SLC17A9: variants seen among roughly 807,000 people sequenced by gnomAD.
SLC17A9 encodes solute carrier family 17 member 9.
Under a neutral mutation model 55.0 loss-of-function variants are expected in SLC17A9, and 49 were observed. The observed-to-expected ratio is 0.89, with a 90% CI of 0.71 to 1.13. SLC17A9 has a LOEUF of 1.13. SLC17A9 is among the 50% of genes most tolerant of loss of function. The probability of loss-of-function intolerance (pLI) is 0.00; values close to 1 mark genes in which losing one functional copy is unlikely to be tolerated. For synonymous variants in SLC17A9, 256 were observed against 247.4 expected (o/e 1.03, Z -0.32); for missense variants, 526 against 569.3 (o/e 0.92, Z 0.77).
intron 1 of SLC17A9, among the ~76,000 whole-genome samples, chr20:62,954,053 A>C (rs2065514275): frequency 6.6e-6 from 1 of 151,566 alleles, no homozygotes; most frequent in Non-Finnish European, 1.5e-5. Flanking sequence ...CCCAGGCTCG[A>C]TGTTTAAAAA....
At chr20:62,965,513 C>A in intron 9 of SLC17A9, 97 bp from the exon 10 acceptor site, 1 of 1,139,868 alleles carries the variant, frequency 8.8e-7, no homozygotes, top group Non-Finnish European at 1.3e-6. Context: ...GACCGTTGTG[C>A]GGTGCGCCCA....
chr20:62,967,594 C>A lies in SLC17A9; in HGVS notation c.*94C>A. ...TGGGACTTGGTCACTCCATGTCAGACACACGAGCAGAGAGGAACACAAACC... is the reference window on the plus strand; with the variant it reads ...TGGGACTTGGTCACTCCATGTCAGAAACACGAGCAGAGAGGAACACAAACC... On this transcript the variant is annotated 3_prime_UTR_variant, in exon 13 of 13. Transcript: ENST00000370351. The A allele has an allele frequency of 7.5e-7, 1 of 1,341,140 alleles. No homozygotes were observed. The highest frequency in any genetic ancestry group is 1.0e-6 in the Non-Finnish European group (1 of 999,222). The allele number at this position is 1,341,140 out of a possible 1,614,324, so 83.1% of individuals were successfully genotyped here.
Position 62,966,703 on chromosome 20 carries a change from G to A in SLC17A9, c.1118G>A (p.Gly373Asp). Residue 373 changes from glycine (G) to aspartate (D), a missense_variant and splice_region_variant, in exon 12 of 13, where the codon GGT becomes GAT. Gly to Asp is a moderately conservative substitution (Grantham distance 94). Transcript: ENST00000370351. ...LAPSCAGFLF[G>D]VANTAGALAG... ...CTCTCTCGCTCTGGCCTCTTCACAG[G>A]TGTGGCCAACACAGCCGGGGCCTTG... The A allele has an allele frequency of 6.2e-7, 1 of 1,613,396 alleles. No individual in the cohort carries two copies. Among genetic ancestry groups the A allele is most frequent in the Non-Finnish European group, 8.5e-7 (1 of 1,179,790 alleles).
Position 62,960,505 on chromosome 20 carries a change from G to A in SLC17A9, c.399G>A (p.Gly133=). ...FSRILMGLLQ[G]VYFPALTSLL... ...AGACCCTCCCTCCACTTGTTGCAGGGGTTTACTTCCCTGCCCTGACCAGCC... is the reference window on the plus strand; with the variant it reads ...AGACCCTCCCTCCACTTGTTGCAGGAGTTTACTTCCCTGCCCTGACCAGCC... The change falls in exon 4 of 13, where the codon GGG becomes GGA. Residue 133 remains glycine, a splice_region_variant and synonymous_variant. Coordinates refer to ENST00000370351, the MANE Select transcript of SLC17A9 (RefSeq NM_022082.4). 2 of 1,612,466 alleles carry A rather than the reference G, an allele frequency of 1.2e-6. No homozygotes were observed. The highest frequency in any genetic ancestry group is 1.7e-6 in the Non-Finnish European group (2 of 1,179,670).
Position 62,962,369 on chromosome 20 carries a change from A to T in SLC17A9, c.498-255A>T. The T allele has an allele frequency of 2.8e-6, 1 of 356,378 alleles. No individual in the cohort carries two copies. Among genetic ancestry groups the T allele is most frequent in the Non-Finnish European group, 5.2e-6 (1 of 192,508 alleles). 22.1% of individuals were successfully genotyped at this position (356,378 alleles called of 1,614,324 possible). ...TGAAAAACAATGTGAGTTCCACAGC[A>T]GCCGCCCGACTGGGACACATGCGTG... is the stretch of plus-strand genomic sequence containing the variant. On this transcript the variant is annotated intron_variant, in intron 4 of 12. Coordinates refer to ENST00000370351, the MANE Select transcript of SLC17A9 (RefSeq NM_022082.4). This position sits in a 1 kb window ranked among gnomAD's most constrained non-coding sequence, Gnocchi z 5.5.
rs930001225 is a variant in SLC17A9 at position 62,967,980 on chromosome 20, G to A, written c.*480G>A. 1 of 161,600 alleles carries A rather than the reference G, an allele frequency of 6.2e-6. No homozygotes were observed. Among genetic ancestry groups the A allele is most frequent in the African/African-American group, 2.4e-5 (1 of 41,558 alleles). 10.0% of individuals were successfully genotyped at this position (161,600 alleles called of 1,614,324 possible). A position where few individuals can be genotyped will look rare whatever the true frequency, so the allele number is the denominator to read the frequency against. On this transcript the variant is annotated 3_prime_UTR_variant, in exon 13 of 13. Transcript: ENST00000370351. ...TGTCTCTGGCGGGCTGTCCTCCTTG[G>A]TGGGAGCTGTCCTGCACACTGTAGG... is the stretch of plus-strand genomic sequence containing the variant.
chr20:62,965,085 A>G, intron 8 of SLC17A9, 47 bp from the exon 9 acceptor site: 1 of 1,612,934 alleles, frequency 6.2e-7, no homozygotes, highest in Non-Finnish European at 8.5e-7. Flanking sequence ...CTGGGGTGTC[A>G]GCACGAAAGG....
chr20:62,965,443 T>C (rs1237501753), intron 9 of SLC17A9, among the ~76,000 whole-genome samples, 167 bp from the exon 10 acceptor site: 3 of 152,214 alleles, frequency 2.0e-5, no homozygotes, highest in African/African-American at 7.2e-5. Context: ...TTGCGGAGAC[T>C]CCTCCCAGAC....
At chr20:62,957,014 G>T in intron 2 of SLC17A9, 52 bp downstream of exon 2, 1 of 1,607,424 alleles carries the variant, frequency 6.2e-7, no homozygotes, top group Admixed American at 1.7e-5. Context: ...CCCCACTGGG[G>T]CCTCCAGGGG....
Position 62,967,572 on chromosome 20 carries a change from G to T in SLC17A9, c.*72G>T. 6.8e-7 allele frequency: 1 copy of T among 1,476,716 alleles called. No homozygotes were observed. Among genetic ancestry groups the T allele is most frequent in the Non-Finnish European group, 9.1e-7 (1 of 1,094,500 alleles). The allele number at this position is 1,476,716 out of a possible 1,614,324, so 91.5% of individuals were successfully genotyped here. A position where few individuals can be genotyped will look rare whatever the true frequency, so the allele number is the denominator to read the frequency against. On this transcript the variant is annotated 3_prime_UTR_variant, in exon 13 of 13. Coordinates refer to ENST00000370351, the MANE Select transcript of SLC17A9 (RefSeq NM_022082.4). ...AGGACACAGGGGACTCAGTGTGTGG[G>T]ACTTGGTCACTCCATGTCAGACACA...
chr20:62,966,867 G>T (rs963033053), intron 12 of SLC17A9, 135 bp downstream of exon 12: 3 of 1,136,240 alleles, frequency 2.6e-6, no homozygotes, highest in Admixed American at 5.3e-5. Context: ...CCCAGAGCAG[G>T]CCCAGGAGAG....
rs2147665396 is a variant in SLC17A9, at chr20:62,969,206, A to T, written c.*1706A>T. 6.6e-6 allele frequency: 1 copy of T among 152,242 alleles called. No homozygotes were observed. The highest frequency in any genetic ancestry group is 6.5e-5 in the Admixed American group (1 of 15,298). The allele number at this position is 152,242 out of a possible 1,614,324, so 9.4% of individuals were successfully genotyped here. A position where few individuals can be genotyped will look rare whatever the true frequency, so the allele number is the denominator to read the frequency against. On this transcript the variant is annotated 3_prime_UTR_variant, in exon 13 of 13. Transcript: ENST00000370351. ...ATGAATTGCTGTCTCTCTCCTCCTC[A>T]TCTTGCACTAAATCTACATAACTTA...
At chr20:62,953,919 C>T (rs2065512892) in intron 1 of SLC17A9, among the ~76,000 whole-genome samples, 1 of 152,226 alleles carries the variant, frequency 6.6e-6, no homozygotes, top group Non-Finnish European at 1.5e-5. Context: ...GGCCCTGCCC[C>T]TTGCTCTCTT....
intron 1 of SLC17A9, chr20:62,953,319 G>C: frequency 6.5e-7 from 1 of 1,533,058 alleles, no homozygotes; most frequent in Non-Finnish European, 8.8e-7. Context: ...GTTGGGGGGG[G>C]TCCTGCCACC....
At chr20:62,953,666 TC>T (rs1458096399) in intron 1 of SLC17A9, among the ~76,000 whole-genome samples, 4 of 152,196 alleles carry the variant, frequency 2.6e-5, no homozygotes, top group Non-Finnish European at 5.9e-5. Flanking sequence ...CTGCACTGAG[TC>T]CCCAGGGTAC....
At chr20:62,953,624 C>G (rs1464193149) in intron 1 of SLC17A9, among the ~76,000 whole-genome samples, 5 of 152,258 alleles carry the variant, frequency 3.3e-5, no homozygotes, top group Non-Finnish European at 7.3e-5. Context: ...GGCCTAGACT[C>G]AGGCCCTGTG....
chr20:62,956,221 A>C (rs1211146829), intron 1 of SLC17A9, among the ~76,000 whole-genome samples: 1 of 152,172 alleles, frequency 6.6e-6, no homozygotes, highest in African/African-American at 2.4e-5. Context: ...TCCCGTGGGA[A>C]GCGTCTAGGC....
In SLC17A9 at chr20:62,969,220, C is replaced by G. The variant is rs1455179993; in HGVS notation, c.*1720C>G. 1 of 152,234 alleles carries G rather than the reference C, an allele frequency of 6.6e-6. No individual in the cohort carries two copies. The highest frequency in any genetic ancestry group is 1.5e-5 in the Non-Finnish European group (1 of 68,042). 9.4% of individuals were successfully genotyped at this position (152,234 alleles called of 1,614,324 possible). ...CTCTCCTCCTCATCTTGCACTAAAT[C>G]TACATAACTTAAAATTTACCATTTT... On this transcript the variant is annotated 3_prime_UTR_variant, in exon 13 of 13. Coordinates refer to ENST00000370351, the MANE Select transcript of SLC17A9 (RefSeq NM_022082.4).
At position 62,958,013 on chromosome 20, in the gene SLC17A9, T is replaced by C. The variant is rs6512327; in HGVS notation, c.397+433T>C. Reference sequence around the variant, plus strand: ...GTGCGTACGTATGTGTGCATGCACATGTGTGAGCATGCACTTGTGCGTGCA... The same window carrying C: ...GTGCGTACGTATGTGTGCATGCACACGTGTGAGCATGCACTTGTGCGTGCA... On this transcript the variant is annotated intron_variant, in intron 3 of 12. Transcript: ENST00000370351. The surrounding 1 kb of genome is among the most constrained non-coding windows in gnomAD (Gnocchi z 4.1). Among the ~76,000 whole-genome samples the C allele has an allele frequency of 0.73, 111,343 of 152,042 alleles. 41,100 individuals are homozygous for C. Among genetic ancestry groups the C allele is most frequent in the African/African-American group, 0.81 (33,817 of 41,512 alleles).
Sources: gnomAD v4.1 joint callset for allele counts (sites outside exome capture counted in the v4.1 genomes callset) on GRCh38, gnomAD v4.1.1 for gene constraint, Gnocchi (gnomAD v3.1) non-coding constraint, MANE v1.5 for transcripts, NCBI Gene and HGNC (gene_info 2026-07-23, HGNC 2026-07-21) for gene names.